DSC2: variants seen among roughly 807,000 people sequenced by gnomAD.
The protein encoded by DSC2 is desmocollin 2.
Under a neutral mutation model 87.6 loss-of-function variants are expected in DSC2, and 51 were observed. That is an observed-to-expected ratio of 0.58 (90% CI 0.46 to 0.74). The LOEUF is 0.74. DSC2 is among the 30% of genes least tolerant of loss of function. The pLI, the probability that DSC2 is intolerant of heterozygous loss-of-function variation, is 0.00. For synonymous variants in DSC2, 383 were observed against 393.2 expected, an observed-to-expected ratio of 0.97 and a Z score of 0.31; for missense variants, 1,066 against 1,089.5, an observed-to-expected ratio of 0.98 and a Z score of 0.30.
At chr18:31,069,637 C>T (rs891164489) in intron 14 of DSC2, among the ~76,000 whole-genome samples, 2 of 151,788 alleles carry the variant, frequency 1.3e-5, no homozygotes, top group African/African-American at 4.8e-5. Flanking sequence ...ATCGCTTGAA[C>T]CTGGAAGACG....
chr18:31,101,317 C>A (rs1278154929), intron 1 of DSC2: 2 of 951,642 alleles, frequency 2.1e-6, no homozygotes, highest in African/African-American at 3.7e-5. Context: ...GTAAACAATT[C>A]CCAGAAAGGC....
chr18:31,081,251 T>G (rs2144816556), intron 9 of DSC2, among the ~76,000 whole-genome samples: 1 of 152,290 alleles, frequency 6.6e-6, no homozygotes, highest in African/African-American at 2.4e-5. Context: ...GGGCATCATA[T>G]TTTCTTTTTT....
chr18:31,078,522 T>C (rs1567976023), intron 11 of DSC2, among the ~76,000 whole-genome samples: 2 of 152,040 alleles, frequency 1.3e-5, no homozygotes, highest in African/African-American at 2.4e-5. Context: ...ATCTCAACTG[T>C]CAATAAACTA....
chr18:31,070,519 T>C (rs1166588679), intron 14 of DSC2, among the ~76,000 whole-genome samples: 2 of 152,234 alleles, frequency 1.3e-5, no homozygotes, highest in African/African-American at 4.8e-5. Flanking sequence ...GCATTTTTAC[T>C]ATTAAGTAAC....
At chr18:31,077,676 C>T (rs1286122647) in intron 11 of DSC2, among the ~76,000 whole-genome samples, 2 of 152,114 alleles carry the variant, frequency 1.3e-5, no homozygotes, top group African/African-American at 4.8e-5. Context: ...GCATAAAATG[C>T]TCATCTTCTA....
chr18:31,078,299 AC>A (rs1046284990), intron 11 of DSC2, among the ~76,000 whole-genome samples: 11 of 152,378 alleles, frequency 7.2e-5, no homozygotes, highest in African/African-American at 2.6e-4. Context: ...GTTCTCTCAC[AC>A]AGAGTAACAC....
intron 12 of DSC2, 131 bp downstream of exon 12, chr18:31,074,552 C>T (rs1167607906): frequency 2.3e-6 from 2 of 863,052 alleles, no homozygotes; most frequent in East Asian, 2.6e-5. Context: ...CTACTCCCAA[C>T]ACACAAAAAC....
chr18:31,088,264 G>T (rs1987472203), intron 5 of DSC2, among the ~76,000 whole-genome samples: 1 of 152,046 alleles, frequency 6.6e-6, no homozygotes, highest in Admixed American at 6.6e-5. Flanking sequence ...CTACTAATGA[G>T]GACTTTAGGC....
intron 3 of DSC2, among the ~76,000 whole-genome samples, 189 bp from the exon 4 acceptor site, chr18:31,091,336 A>G (rs996026908): frequency 6.6e-6 from 1 of 152,212 alleles, no homozygotes; most frequent in African/African-American, 2.4e-5. Context: ...CCTAACTGTT[A>G]TCACAACAAT....
chr18:31,062,608 C>T lies in DSC2; in HGVS notation c.*5407G>A, dbSNP rs183490307. 5.3e-5 allele frequency: 8 copies of T among 152,296 alleles called. No homozygotes were observed. The South Asian group carries it at 6.2e-4, about 12-fold the overall frequency. The allele number at this position is 152,296 out of a possible 1,614,324, so 9.4% of individuals were successfully genotyped here. On this transcript the variant is annotated 3_prime_UTR_variant, in exon 16 of 16. Transcript: ENST00000280904. ...ATCACACACCAAATATATTCAGTGT[C>T]TACTGCTCTACATGTTAGGCATACA...
At chr18:31,073,923 G>A (rs1053069059) in intron 12 of DSC2, among the ~76,000 whole-genome samples, 1 of 152,240 alleles carries the variant, frequency 6.6e-6, no homozygotes, top group Admixed American at 6.5e-5. Context: ...GTGGCAGAGA[G>A]GAGAGATAAC....
intron 15 of DSC2, chr18:31,068,438 A>G: frequency 7.8e-7 from 1 of 1,281,694 alleles, no homozygotes. Context: ...TGTGGCAGCA[A>G]GTATACAGGT....
intron 7 of DSC2, among the ~76,000 whole-genome samples, chr18:31,083,273 G>A (rs999943084): frequency 1.3e-5 from 2 of 152,064 alleles, no homozygotes; most frequent in African/African-American, 2.4e-5. Context: ...TCGCTCTGTT[G>A]CCCAGGCTGG....
At chr18:31,073,955 ATC>A in intron 12 of DSC2, among the ~76,000 whole-genome samples, 1 of 152,350 alleles carries the variant, frequency 6.6e-6, no homozygotes, top group Middle Eastern at 3.4e-3. Context: ...TGTGGTGTAT[ATC>A]TGATCCCTTT....
In DSC2 at chr18:31,065,052, CTT is replaced by C. The variant is rs560875118; in HGVS notation, c.*2961_*2962del. 3.3e-5 allele frequency: 5 copies of C among 152,220 alleles called. No homozygotes were observed. Among genetic ancestry groups the C allele is most frequent in the Admixed American group, 1.3e-4 (2 of 15,278 alleles). The allele number at this position is 152,220 out of a possible 1,614,324, so 9.4% of individuals were successfully genotyped here. A position where few individuals can be genotyped will look rare whatever the true frequency, so the allele number is the denominator to read the frequency against. On this transcript the variant is annotated 3_prime_UTR_variant, in exon 16 of 16. Transcript: ENST00000280904. ...GCACCAGCCATTTCTTCGGGAAACT[CTT>C]TATGATTTTGCCTCCTCGAGAATTT... is the stretch of plus-strand genomic sequence containing the variant.
chr18:31,090,940 A>T, intron 4 of DSC2, 88 bp downstream of exon 4: 1 of 1,555,982 alleles, frequency 6.4e-7, no homozygotes, highest in Non-Finnish European at 8.8e-7. Flanking sequence ...ATTTATACAC[A>T]ACTATTACAA....
intron 12 of DSC2, 144 bp downstream of exon 12, chr18:31,074,539 G>T: frequency 1.3e-6 from 1 of 755,474 alleles, no homozygotes; most frequent in Non-Finnish European, 2.2e-6. Flanking sequence ...ACACTAGAGA[G>T]ACCTACTCCC....
chr18:31,094,819 T>C lies in DSC2; in HGVS notation c.70-1176A>G, dbSNP rs781254369. 5.9e-5 allele frequency among the ~76,000 whole-genome samples: 9 copies of C among 152,188 alleles called. No homozygotes were observed. The East Asian group carries it at 1.7e-3, about 29-fold the overall frequency. On this transcript the variant is annotated intron_variant, in intron 1 of 15. Transcript: ENST00000280904. ...CATTAGTTTTGAACTGGAAATTAAA[T>C]GATATGAAGAATTTTCACTGGCTGC...
intron 7 of DSC2, among the ~76,000 whole-genome samples, chr18:31,085,447 T>G (rs1011030439): frequency 6.6e-6 from 1 of 151,482 alleles, no homozygotes; most frequent in Non-Finnish European, 1.5e-5. Context: ...ACTGTTAACA[T>G]GTAATTAATT....
Sources: allele counts gnomAD v4.1 joint callset (sites outside exome capture counted in the v4.1 genomes callset), GRCh38; gene constraint gnomAD v4.1.1; transcripts MANE v1.5; gene names NCBI Gene and HGNC (gene_info 2026-07-23, HGNC 2026-07-21).